The following SOD1 variants were observed in gnomAD, a reference collection of about 807,000 sequenced individuals.
SOD1 encodes the protein superoxide dismutase 1.
In SOD1, 8 loss-of-function variants were observed where a neutral mutation model predicts 15.9. The ratio of observed to expected loss-of-function variants is 0.50; its 90% CI spans 0.30 to 0.91. The LOEUF is 0.91. Among genes scored for constraint, SOD1 ranks in the 40% least tolerant of loss-of-function variants. SOD1 has a pLI of 0.07. For missense variants in SOD1, 137 were observed against 194.5 expected (o/e 0.70, Z 1.76); for synonymous variants, 86 against 71.2 (o/e 1.21, Z -1.04).
intron 1 of SOD1, chr21:31,660,681 A>G (rs2049541088): frequency 6.6e-6 from 1 of 152,206 alleles, no homozygotes; most frequent in South Asian, 2.1e-4. Flanking sequence ...CCTCCGACCA[A>G]TTACATCAAA....
intron 1 of SOD1, among the ~76,000 whole-genome samples, chr21:31,663,033 C>T (rs1273970796): frequency 6.9e-6 from 1 of 145,102 alleles, no homozygotes; most frequent in Non-Finnish European, 1.5e-5. Flanking sequence ...AAGAAAAAAA[C>T]TTATGATGGA....
chr21:31,664,104 T>G (rs558191243), intron 2 of SOD1, among the ~76,000 whole-genome samples: 16 of 152,282 alleles, frequency 1.1e-4, no homozygotes, highest in South Asian at 2.1e-4. Context: ...GGCCCGTAGC[T>G]GGGACTACAG....
chr21:31,666,439 T>A lies in SOD1; in HGVS notation c.170-10T>A. ...ATAATTTAGCTTTTTTTTCTTCTTC[T>A]TATAAATAGGCTGTACCAGTGCAGG... On this transcript the variant is annotated splice_polypyrimidine_tract_variant and intron_variant, in intron 2 of 4. Coordinates refer to ENST00000270142, the MANE Select transcript of SOD1 (RefSeq NM_000454.5). 6.2e-7 allele frequency: 1 copy of A among 1,602,382 alleles called. No individual in the cohort carries two copies. Among genetic ancestry groups the A allele is most frequent in the African/African-American group, 1.3e-5 (1 of 74,818 alleles).
intron 2 of SOD1, among the ~76,000 whole-genome samples, chr21:31,665,297 A>AT (rs2123433435): frequency 6.6e-6 from 1 of 152,318 alleles, no homozygotes; most frequent in South Asian, 2.1e-4. Context: ...GTTAAGTTGC[A>AT]TTTAGTGATC....
chr21:31,663,443 T>G (rs116038502), intron 1 of SOD1, among the ~76,000 whole-genome samples: 94 of 152,368 alleles, frequency 6.2e-4, no homozygotes, highest in African/African-American at 2.2e-3. Flanking sequence ...ACCTATTTAC[T>G]GTAATAGTCA....
intron 2 of SOD1, chr21:31,664,349 G>T: frequency 4.2e-6 from 1 of 235,544 alleles, no homozygotes; most frequent in Non-Finnish European, 8.8e-6. Flanking sequence ...CAGGAACTGG[G>T]ACCATATCCT....
Position 31,666,438 on chromosome 21 carries a change from C to T in SOD1, c.170-11C>T, listed in dbSNP as rs370816162. 2.8e-5 allele frequency: 45 copies of T among 1,599,954 alleles called. No homozygotes were observed. The African/African-American group carries it at 4.3e-4, about 15-fold the overall frequency. ...CATAATTTAGCTTTTTTTTCTTCTT[C>T]TTATAAATAGGCTGTACCAGTGCAG... On this transcript the variant is annotated splice_polypyrimidine_tract_variant and intron_variant, in intron 2 of 4. Transcript: ENST00000270142.
intron 1 of SOD1, among the ~76,000 whole-genome samples, chr21:31,662,343 G>T (rs1319679921): frequency 6.6e-6 from 1 of 152,254 alleles, no homozygotes; most frequent in Non-Finnish European, 1.5e-5. Context: ...TACTTCATTT[G>T]AGCAATGATA....
chr21:31,663,507 C>A (rs764111614), intron 1 of SOD1, among the ~76,000 whole-genome samples: 1 of 152,186 alleles, frequency 6.6e-6, no homozygotes, highest in Non-Finnish European at 1.5e-5. Flanking sequence ...GCTTGCCACT[C>A]TATTAGGTGC....
At chr21:31,665,843 A>G (rs1027705097) in intron 2 of SOD1, among the ~76,000 whole-genome samples, 1 of 152,170 alleles carries the variant, frequency 6.6e-6, no homozygotes, top group Non-Finnish European at 1.5e-5. Context: ...GATCATAACC[A>G]TGGGATTTTA....
chr21:31,661,992 AT>A (rs1201475757), intron 1 of SOD1, among the ~76,000 whole-genome samples: 1 of 152,176 alleles, frequency 6.6e-6, no homozygotes, highest in Non-Finnish European at 1.5e-5. Context: ...CTCTTGAAGA[AT>A]TTTTGGAGAT....
chr21:31,666,724 A>G (rs1444243655), intron 3 of SOD1: 4 of 609,048 alleles, frequency 6.6e-6, no homozygotes, highest in Non-Finnish European at 1.2e-5. Flanking sequence ...GACACTTAAA[A>G]CGATTTGGTT....
intron 4 of SOD1, 71 bp downstream of exon 4, chr21:31,667,446 G>A: frequency 9.0e-7 from 1 of 1,107,318 alleles, no homozygotes; most frequent in Non-Finnish European, 1.4e-6. Flanking sequence ...CACTTTGATT[G>A]TTAGTCGCGG....
intron 3 of SOD1, 160 bp from the exon 4 acceptor site, chr21:31,667,098 G>A: frequency 5.9e-6 from 4 of 675,498 alleles, no homozygotes; most frequent in Non-Finnish European, 1.1e-5. Context: ...CAGAGCATTA[G>A]TGTGTAGACG....
rs1054265376 is a variant in SOD1 at position 31,668,901 on chromosome 21, G to A, written c.*323G>A. 2.3e-5 allele frequency: 7 copies of A among 300,772 alleles called. No homozygotes were observed. In the East Asian group the frequency reaches 4.5e-4, roughly 19 times the overall value. The allele number at this position is 300,772 out of a possible 1,614,324, so 18.6% of individuals were successfully genotyped here. ...AAACCCTGTATGGCACTTATTATGA[G>A]GCTATTAAAAGAATCCAAATTCAAA... On this transcript the variant is annotated 3_prime_UTR_variant, in exon 5 of 5. Transcript: ENST00000270142.
At chr21:31,667,169 C>G in intron 3 of SOD1, 89 bp from the exon 4 acceptor site, 4 of 988,654 alleles carry the variant, frequency 4.0e-6, no homozygotes, top group Non-Finnish European at 6.4e-6. Flanking sequence ...AAATTTGTGT[C>G]TACTCAGTCA....
At chr21:31,661,846 A>C (rs1234634227) in intron 1 of SOD1, 1 of 152,248 alleles carries the variant, frequency 6.6e-6, no homozygotes, top group Non-Finnish European at 1.5e-5. Flanking sequence ...GGAGCATTCC[A>C]GCTTTCCAGA....
chr21:31,666,262 C>A (rs145990495), intron 2 of SOD1, among the ~76,000 whole-genome samples, 187 bp from the exon 3 acceptor site: 1 of 152,168 alleles, frequency 6.6e-6, no homozygotes, highest in Non-Finnish European at 1.5e-5. Context: ...GTGTTAGCCA[C>A]CATGCCTGGC....
At chr21:31,664,361 AT>A in intron 2 of SOD1, 2 of 233,896 alleles carry the variant, frequency 8.6e-6, no homozygotes, top group Non-Finnish European at 1.8e-5. Context: ...CCATATCCTG[AT>A]TTTTGTAATA....
Sources: allele counts gnomAD v4.1 joint callset (sites outside exome capture counted in the v4.1 genomes callset), GRCh38; gene constraint gnomAD v4.1.1; transcripts MANE v1.5; gene names NCBI Gene and HGNC (gene_info 2026-07-23, HGNC 2026-07-21).